RHOT2: variants seen among roughly 807,000 people sequenced by gnomAD.
RHOT2 encodes mitochondrial Rho GTPase 2.
RHOT2 carries 90 observed loss-of-function variants against 81.6 expected under a neutral mutation model. The observed-to-expected ratio is 1.10, with a 90% CI of 0.93 to 1.31. The LOEUF (loss-of-function observed/expected upper bound fraction) is 1.31. Ranked by LOEUF, RHOT2 falls within the 40% of genes most tolerant of loss-of-function variation. The probability of loss-of-function intolerance (pLI) is 0.00; values close to 1 mark genes in which losing one functional copy is unlikely to be tolerated. For missense variants in RHOT2, 1,014 were observed against 841.9 expected (o/e 1.20, Z -2.53); for synonymous variants, 512 against 370.9 (o/e 1.38, Z -4.37).
In RHOT2 at chr16:671,844, A is replaced by G; in HGVS notation, c.955-16A>G. 7.3e-7 allele frequency: 1 copy of G among 1,361,400 alleles called. No individual in the cohort carries two copies. The allele number at this position is 1,361,400 out of a possible 1,614,324, so 84.3% of individuals were successfully genotyped here. A position where few individuals can be genotyped will look rare whatever the true frequency, so the allele number is the denominator to read the frequency against. On this transcript the variant is annotated splice_polypyrimidine_tract_variant and intron_variant, in intron 12 of 18. Transcript: ENST00000315082. The stretch of plus-strand genomic sequence containing the variant: ...CCCTCCCCGGCACACACATCACCAC[A>G]TCCCTCCTTCTGCAGGACCGCGACG...
chr16:668,315 G>GTCATGAA, intron 1 of RHOT2, 38 bp from the exon 2 acceptor site: 1 of 1,281,368 alleles, frequency 7.8e-7, no homozygotes, highest in Non-Finnish European at 9.8e-7. Flanking sequence ...GGGGCGCCGT[G>GTCATGAA]ACCTTGGCCC....
chr16:670,100 C>A (rs1596496412), intron 5 of RHOT2, 23 bp from the exon 6 acceptor site: 1 of 1,544,146 alleles, frequency 6.5e-7, no homozygotes, highest in East Asian at 2.3e-5. Flanking sequence ...AGCCTCACTT[C>A]ACAGCCAGGC....
chr16:669,717 C>A, intron 5 of RHOT2, 111 bp downstream of exon 5: 1 of 1,135,386 alleles, frequency 8.8e-7, no homozygotes, highest in Non-Finnish European at 1.3e-6. Flanking sequence ...TTTTGGGGAG[C>A]CTGACGTGGA....
rs1478852754 is a variant in RHOT2, at chr16:671,848, C to G, written c.955-12C>G. 1 of 1,609,654 alleles carries G rather than the reference C, an allele frequency of 6.2e-7. No homozygotes were observed. The highest frequency in any genetic ancestry group is 1.7e-5 in the Admixed American group (1 of 59,714). On this transcript the variant is annotated splice_polypyrimidine_tract_variant and intron_variant, in intron 12 of 18. Coordinates refer to ENST00000315082, the MANE Select transcript of RHOT2 (RefSeq NM_138769.3). The stretch of plus-strand genomic sequence containing the variant: ...CCCCGGCACACACATCACCACATCC[C>G]TCCTTCTGCAGGACCGCGACGGCGC...
chr16:673,543 CG>C lies in RHOT2; in HGVS notation c.1798del (p.Ala600ProfsTer16). 6.2e-7 allele frequency: 1 copy of C among 1,612,514 alleles called. No homozygotes were observed. Among genetic ancestry groups the C allele is most frequent in the Non-Finnish European group, 8.5e-7 (1 of 1,179,914 alleles). On this transcript the variant is annotated frameshift_variant, in exon 19 of 19. Coordinates refer to ENST00000315082, the MANE Select transcript of RHOT2 (RefSeq NM_138769.3). LOFTEE classifies it high-confidence loss of function. Reference sequence around the variant, plus strand: ...GGCTCCGGGGGCTGCTGGGGGTTGTCGGGGCCGCCGTGGCCGCAGTCCTCAG... The same window carrying C: ...GGCTCCGGGGGCTGCTGGGGGTTGTCGGGCCGCCGTGGCCGCAGTCCTCAG... ...FWLRGLLGVV[G>X]AAVAAVLSFS... is the part of the protein sequence containing the mutation.
intron 4 of RHOT2, 29 bp downstream of exon 4, chr16:668,728 G>T: frequency 6.4e-7 from 1 of 1,571,112 alleles, no homozygotes; most frequent in South Asian, 1.2e-5. Flanking sequence ...ACGAGGGAGG[G>T]GCTGGGCGCG....
rs1352483823 is a variant in RHOT2 at position 672,974 on chromosome 16, A to G, written c.1574A>G (p.Lys525Arg). Residue 525 changes from lysine to arginine, a missense_variant, in exon 18 of 19, where the codon AAG (lysine) becomes AGG (arginine). Coordinates refer to ENST00000315082, the MANE Select transcript of RHOT2 (RefSeq NM_138769.3). ...GQTPCLFVSS[K>R]ADLPEGVAVS... ...ACCCCCTGCCTCTTTGTCTCCTCCA[A>G]GGCCGACCTGCCCGAAGGTGTCGCG... The G allele has an allele frequency of 6.2e-7, 1 of 1,612,588 alleles. No individual in the cohort carries two copies. Among genetic ancestry groups the G allele is most frequent in the Non-Finnish European group, 8.5e-7 (1 of 1,179,980 alleles).
Position 672,691 on chromosome 16 carries a change from T to G in RHOT2, c.1405-12T>G. The G allele has an allele frequency of 6.2e-7, 1 of 1,611,988 alleles. No homozygotes were observed. On this transcript the variant is annotated splice_polypyrimidine_tract_variant and intron_variant, in intron 16 of 18. Transcript: ENST00000315082. ...CCCCAGGGACCCTTCCTAAGGCCGCTGTCTGTCCCAGCTCTGTGAGGTGGG... is the reference window on the plus strand; with the variant it reads ...CCCCAGGGACCCTTCCTAAGGCCGCGGTCTGTCCCAGCTCTGTGAGGTGGG...
intron 10 of RHOT2, 36 bp from the exon 11 acceptor site, chr16:671,047 T>C (rs1284602078): frequency 6.2e-7 from 1 of 1,608,048 alleles, no homozygotes; most frequent in Non-Finnish European, 8.5e-7. Context: ...GGGAGGGGGC[T>C]GTGCCTGGTG....
chr16:670,443 C>A lies in RHOT2; in HGVS notation c.439-13C>A. The A allele has an allele frequency of 2.5e-6, 4 of 1,605,340 alleles. No homozygotes were observed. The highest frequency in any genetic ancestry group is 1.1e-5 in the South Asian group (1 of 90,166). On this transcript the variant is annotated splice_polypyrimidine_tract_variant and intron_variant, in intron 7 of 18. Transcript: ENST00000315082. Reference sequence around the variant, plus strand: ...CTCGGGGCACTTCCCTGAGGCTGTTCCCACTTTCCCAGTGTTCGGCCAAGA... The same window carrying A: ...CTCGGGGCACTTCCCTGAGGCTGTTACCACTTTCCCAGTGTTCGGCCAAGA...
At chr16:673,219 C>A in intron 18 of RHOT2, 89 bp downstream of exon 18, 1 of 1,414,568 alleles carries the variant, frequency 7.1e-7, no homozygotes, top group Non-Finnish European at 9.7e-7. Flanking sequence ...GAACTGGGGA[C>A]TAGCAGTGTC....
rs377025958 is a variant in RHOT2 at position 671,715 on chromosome 16, C to G, written c.888C>G (p.Gly296=). The change falls in exon 12 of 19, where the codon GGC becomes GGG. Residue 296 remains glycine (G), a synonymous_variant. Transcript: ENST00000315082. ...YLSPLIHVPP[G]CSTELNHLGY... ...CCTGCAGGATCCACGTGCCCCCCGG[C>G]TGCAGCACGGAGCTCAACCACCTTG... 6.2e-6 allele frequency: 10 copies of G among 1,612,396 alleles called. No homozygotes were observed. The African/African-American group carries it at 8.0e-5, about 13-fold the overall frequency.
chr16:673,063 T>C lies in RHOT2; in HGVS notation c.1663T>C (p.Ser555Pro). ...KHRLPAPVPFSCAGPAEPSTT... is the reference protein window; with the variant it reads ...KHRLPAPVPFPCAGPAEPSTT... ...CCGGCTACCCGCTCCCGTGCCGTTC[T>C]CCTGTGCTGGCCCAGCCGAGCCCAG... The change falls in exon 18 of 19, where the codon TCC (serine) becomes CCC (proline). Residue 555 changes from serine to proline, a missense_variant. Coordinates refer to ENST00000315082, the MANE Select transcript of RHOT2 (RefSeq NM_138769.3). The C allele has an allele frequency of 6.2e-6, 10 of 1,611,834 alleles. No homozygotes were observed. The highest frequency in any genetic ancestry group is 8.5e-6 in the Non-Finnish European group (10 of 1,179,934).
Position 670,912 on chromosome 16 carries a change from C to G in RHOT2, c.660C>G (p.Pro220=), listed in dbSNP as rs958594273. The G allele has an allele frequency of 1.9e-6, 3 of 1,570,272 alleles. No individual in the cohort carries two copies. The highest frequency in any genetic ancestry group is 2.6e-6 in the Non-Finnish European group (3 of 1,154,610). Residue 220 remains proline (P), a synonymous_variant, in exon 10 of 19, where the codon CCC becomes CCG. Coordinates refer to ENST00000315082, the MANE Select transcript of RHOT2 (RefSeq NM_138769.3). ...AGCAGAAATCCTGCTTTGGGCACCC[C>G]CTGGCCCCGCAGGCCCTGGAGGACG... ...NAFQKSCFGH[P]LAPQALEDVK... is the part of the protein sequence containing the mutation.
intron 5 of RHOT2, 137 bp downstream of exon 5, chr16:669,743 G>A: frequency 1.2e-6 from 1 of 842,414 alleles, no homozygotes; most frequent in Non-Finnish European, 1.9e-6. Context: ...CTGACGTGGA[G>A]TCACCCGGCC....
chr16:673,798 G>C lies in RHOT2; in HGVS notation c.*192G>C, dbSNP rs559419209. ...GCCATGCACTGCCCTGGCTCCTGCC[G>C]GACCCCCAGGGTGGGCCGTGGCAGG... On this transcript the variant is annotated 3_prime_UTR_variant, in exon 19 of 19. Transcript: ENST00000315082. The C allele has an allele frequency of 1.9e-5, 14 of 740,166 alleles. No individual in the cohort carries two copies. The African/African-American group carries it at 2.5e-4, about 13-fold the overall frequency. The allele number at this position is 740,166 out of a possible 1,614,324, so 45.8% of individuals were successfully genotyped here.
At chr16:671,230 G>C (rs2038883811) in intron 11 of RHOT2, 27 bp downstream of exon 11, 1 of 1,525,498 alleles carries the variant, frequency 6.6e-7, no homozygotes, top group Admixed American at 2.0e-5. Context: ...CTTGAGGCCT[G>C]CCCTCCCCGA....
chr16:668,881 T>A, intron 4 of RHOT2, 182 bp downstream of exon 4: 1 of 588,650 alleles, frequency 1.7e-6, no homozygotes, highest in Non-Finnish European at 2.9e-6. Context: ...CACCGCTCAG[T>A]CCAGTGGTGC....
In RHOT2 at chr16:669,596, C is replaced by T; in HGVS notation, c.266C>T (p.Thr89Ile). 6.2e-7 allele frequency: 1 copy of T among 1,611,848 alleles called. No homozygotes were observed. Among genetic ancestry groups the T allele is most frequent in the Non-Finnish European group, 8.5e-7 (1 of 1,179,874 alleles). ...CVVYDVSEEA[T>I]IEKIRTKWIP... ...GTGTATGACGTCTCTGAGGAGGCCA[C>T]CATTGAGAAGGTGAGCCCTCAGTGC... The change falls in exon 5 of 19, where the codon ACC (threonine) becomes ATC (isoleucine). Residue 89 changes from threonine (T) to isoleucine (I), a missense_variant. Coordinates refer to ENST00000315082, the MANE Select transcript of RHOT2 (RefSeq NM_138769.3).
Sources: allele counts gnomAD v4.1 joint callset, GRCh38; gene constraint gnomAD v4.1.1; transcripts MANE v1.5; gene names NCBI Gene and HGNC (gene_info 2026-07-23, HGNC 2026-07-21).